The following SUGCT variants were observed in gnomAD, a reference collection of about 807,000 sequenced individuals.
SUGCT encodes succinyl-CoA:glutarate CoA-transferase.
In SUGCT, 41 loss-of-function variants were observed where a neutral mutation model predicts 55.0. That is an observed-to-expected ratio of 0.74 (90% CI 0.58 to 0.97). The LOEUF (loss-of-function observed/expected upper bound fraction) is 0.97, where lower values mean the gene tolerates loss of function less well. Among genes scored for constraint, SUGCT ranks in the 50% least tolerant of loss-of-function variants. The pLI is 0.00. For synonymous variants in SUGCT, 187 were observed against 200.4 expected (o/e 0.93, Z 0.56); for missense variants, 568 against 547.8 (o/e 1.04, Z -0.37).
intron 8 of SUGCT, among the ~76,000 whole-genome samples, chr7:40,315,004 G>T (rs1320273204): frequency 1.3e-5 from 2 of 152,172 alleles, no homozygotes; most frequent in Non-Finnish European, 2.9e-5. Flanking sequence ...GGGTGGTGTT[G>T]CAGGACTGCT....
chr7:40,222,969 AT>A (rs1788101620), intron 6 of SUGCT, among the ~76,000 whole-genome samples: 1 of 150,754 alleles, frequency 6.6e-6, no homozygotes, highest in African/African-American at 2.4e-5. Context: ...ATCTTATTTT[AT>A]TTTATTTTTC....
chr7:41,037,027 C>T, the SUGCT span, among the ~76,000 whole-genome samples: 1,317 of 152,186 alleles, frequency 8.7e-3, 16 homozygotes, highest in African/African-American at 0.03. Flanking sequence ...CAAGTGACTT[C>T]GACTCTCATT....
In SUGCT at chr7:40,242,952, T is replaced by A. The variant is rs1421884394; in HGVS notation, c.576+5226T>A. On this transcript the variant is annotated intron_variant, in intron 7 of 13. Transcript: ENST00000335693. ...ATATATATTTTTTTTTTTTTTTTTT[T>A]TTTTTTTTTTGAGACAAGGTCTCAC... 9.9e-3 allele frequency among the ~76,000 whole-genome samples: 943 copies of A among 95,436 alleles called. 75 individuals are homozygous for A. The highest frequency in any genetic ancestry group is 0.034 in the African/African-American group (894 of 26,404). 62.6% of individuals were successfully genotyped at this position (95,436 alleles called of 152,430 possible).
intron 12 of SUGCT, among the ~76,000 whole-genome samples, chr7:40,687,413 A>G (rs762982705): frequency 2.6e-5 from 4 of 151,578 alleles, no homozygotes; most frequent in African/African-American, 4.9e-5. Flanking sequence ...GAGACTTTCA[A>G]TTTTACTCCA....
At chr7:40,262,680 C>G (rs1399290557) in intron 7 of SUGCT, among the ~76,000 whole-genome samples, 1 of 151,780 alleles carries the variant, frequency 6.6e-6, no homozygotes, top group Non-Finnish European at 1.5e-5. Context: ...AAAGAACAAG[C>G]CATACCACAT....
At chr7:40,896,033 CA>C in the SUGCT span, among the ~76,000 whole-genome samples, 1 of 151,956 alleles carries the variant, frequency 6.6e-6, no homozygotes, top group African/African-American at 2.4e-5. Context: ...TACAGGGATC[CA>C]AATTTGGAAG....
At chr7:40,326,866 G>A (rs1351106247) in intron 9 of SUGCT, among the ~76,000 whole-genome samples, 1 of 152,154 alleles carries the variant, frequency 6.6e-6, no homozygotes, top group Non-Finnish European at 1.5e-5. Context: ...ACCTTTGTAA[G>A]AGCAAAAAAT....
intron 11 of SUGCT, among the ~76,000 whole-genome samples, chr7:40,472,812 A>G (rs1250584093): frequency 6.6e-6 from 1 of 152,148 alleles, no homozygotes; most frequent in Non-Finnish European, 1.5e-5. Context: ...TGATTTATGG[A>G]AATGCCTTCT....
the SUGCT span, among the ~76,000 whole-genome samples, chr7:40,995,720 G>A: frequency 3.3e-5 from 5 of 151,834 alleles, no homozygotes; most frequent in Non-Finnish European, 7.4e-5. Flanking sequence ...TATATGTGGA[G>A]AACTTAAAAC....
chr7:40,582,116 A>G (rs1196122531), intron 12 of SUGCT, among the ~76,000 whole-genome samples: 1 of 152,146 alleles, frequency 6.6e-6, no homozygotes, highest in Non-Finnish European at 1.5e-5. Context: ...TCTCTATAAC[A>G]ATAATAAGGA....
chr7:40,963,790 T>C, the SUGCT span, among the ~76,000 whole-genome samples: 1 of 152,206 alleles, frequency 6.6e-6, no homozygotes, highest in Non-Finnish European at 1.5e-5. Context: ...TTGCAAATCA[T>C]CAAGATAGAA....
intron 12 of SUGCT, among the ~76,000 whole-genome samples, chr7:40,703,278 G>T (rs1785247622): frequency 6.6e-6 from 1 of 152,056 alleles, no homozygotes; most frequent in Non-Finnish European, 1.5e-5. Flanking sequence ...TGGTCAGGCT[G>T]GTCTCGACAG....
At chr7:40,889,512 G>A in the SUGCT span, among the ~76,000 whole-genome samples, 55 of 152,218 alleles carry the variant, frequency 3.6e-4, no homozygotes, top group African/African-American at 1.3e-3. Context: ...CTGATCATGA[G>A]CCTTAGCTGT....
At chr7:40,337,457 G>T (rs1241346417) in intron 9 of SUGCT, among the ~76,000 whole-genome samples, 6 of 152,158 alleles carry the variant, frequency 3.9e-5, no homozygotes, top group Non-Finnish European at 5.9e-5. Context: ...ATATATTTAG[G>T]ATAGTTAGCT....
intron 12 of SUGCT, among the ~76,000 whole-genome samples, chr7:40,676,300 C>G (rs911726571): frequency 6.6e-6 from 1 of 152,098 alleles, no homozygotes; most frequent in African/African-American, 2.4e-5. Flanking sequence ...TATTACTTTT[C>G]TAACAATTAT....
intron 12 of SUGCT, among the ~76,000 whole-genome samples, chr7:40,710,161 C>T (rs1785636025): frequency 6.6e-6 from 1 of 152,198 alleles, no homozygotes; most frequent in Non-Finnish European, 1.5e-5. Flanking sequence ...CCAGTCTTCA[C>T]TGTACTGACT....
At chr7:40,969,692 T>G in the SUGCT span, among the ~76,000 whole-genome samples, 1 of 152,182 alleles carries the variant, frequency 6.6e-6, no homozygotes, top group African/African-American at 2.4e-5. Context: ...CTTAGAAACT[T>G]GATTTCCAGT....
In SUGCT at chr7:40,664,102, C is replaced by T. The variant is rs77462033; in HGVS notation, c.1090-85332C>T. On this transcript the variant is annotated intron_variant, in intron 12 of 13. Coordinates refer to ENST00000335693, the MANE Select transcript of SUGCT (RefSeq NM_001193313.2). Reference sequence around the variant, plus strand: ...CTGGAACAGATTCTTCTCTTAACGTCCTCAGAAGGAACCGATCCTGCCAAC... The same window carrying T: ...CTGGAACAGATTCTTCTCTTAACGTTCTCAGAAGGAACCGATCCTGCCAAC... Among the ~76,000 whole-genome samples the T allele has an allele frequency of 1.3e-3, 201 of 152,322 alleles. 5 individuals carry two copies. The East Asian group carries it at 0.032, about 24-fold the overall frequency.
At chr7:40,593,167 C>T (rs370822107) in intron 12 of SUGCT, among the ~76,000 whole-genome samples, 3 of 152,104 alleles carry the variant, frequency 2.0e-5, no homozygotes, top group East Asian at 1.9e-4. Flanking sequence ...AGGCTGACTT[C>T]GCCTTGGAAT....
Sources: allele counts gnomAD v4.1 joint callset (sites outside exome capture counted in the v4.1 genomes callset), GRCh38; gene constraint gnomAD v4.1.1; transcripts MANE v1.5; gene names NCBI Gene and HGNC (gene_info 2026-07-23, HGNC 2026-07-21).